AGBL4: variants seen among roughly 807,000 people sequenced by gnomAD.
AGBL4 encodes cytosolic carboxypeptidase 6.
Under a neutral mutation model 66.4 loss-of-function variants are expected in AGBL4, and 58 were observed. That is an observed-to-expected ratio of 0.87 (90% CI 0.71 to 1.09). AGBL4 has a LOEUF of 1.09. Ranked by LOEUF, AGBL4 falls within the 50% of genes least tolerant of loss-of-function variation. AGBL4 has a pLI of 0.00. For missense variants in AGBL4, 579 were observed against 631.0 expected (o/e 0.92, Z 0.88); for synonymous variants, 234 against 222.9 (o/e 1.05, Z -0.44).
At chr1:49,772,153 C>A (rs1315461433) in intron 2 of AGBL4, among the ~76,000 whole-genome samples, 5 of 151,936 alleles carry the variant, frequency 3.3e-5, no homozygotes. Context: ...ACCATAAATT[C>A]TTTTTTGTGG....
At chr1:49,730,149 C>T (rs1446804024) in intron 2 of AGBL4, among the ~76,000 whole-genome samples, 1 of 152,146 alleles carries the variant, frequency 6.6e-6, no homozygotes, top group Non-Finnish European at 1.5e-5. Flanking sequence ...ACACAGTGGG[C>T]TACCCACTTC....
intron 5 of AGBL4, among the ~76,000 whole-genome samples, chr1:49,024,266 T>A (rs1663471175): frequency 6.6e-6 from 1 of 152,148 alleles, no homozygotes; most frequent in African/African-American, 2.4e-5. Flanking sequence ...CTCCACAGAC[T>A]TCAGCCAATC....
intron 4 of AGBL4, among the ~76,000 whole-genome samples, chr1:49,107,694 T>TGTGAGAGA (rs764451269): frequency 0.011 from 1,221 of 113,910 alleles, 27 homozygotes; most frequent in African/African-American, 0.045. Flanking sequence ...TGTGTGTGTG[T>TGTGAGAGA]GAGAGAGAGA....
chr1:48,885,229 A>C (rs1237951083), intron 5 of AGBL4, among the ~76,000 whole-genome samples: 1 of 152,232 alleles, frequency 6.6e-6, no homozygotes, highest in East Asian at 1.9e-4. Flanking sequence ...TGTGGAAATT[A>C]TGTGAAATTC....
chr1:49,988,602 C>G (rs1659695827), intron 1 of AGBL4, among the ~76,000 whole-genome samples: 1 of 152,190 alleles, frequency 6.6e-6, no homozygotes, highest in Non-Finnish European at 1.5e-5. Context: ...CTGGTCTTAA[C>G]AGATTTCAAC....
chr1:49,129,637 A>G (rs936648151), intron 4 of AGBL4, among the ~76,000 whole-genome samples: 2 of 152,114 alleles, frequency 1.3e-5, no homozygotes, highest in African/African-American at 4.8e-5. Context: ...TACAAAGGAC[A>G]TGAACTCATC....
rs1462706111 is a variant in AGBL4 at position 49,874,637 on chromosome 1, C to T, written c.35-23119G>A. ...TGTTCTCATTCCCTAGATGCAAATG[C>T]TCTTAATCATCTTAGTTGCTCAAGT... is the stretch of plus-strand genomic sequence containing the variant. On this transcript the variant is annotated intron_variant, in intron 1 of 13. Coordinates refer to ENST00000371839, the MANE Select transcript of AGBL4 (RefSeq NM_032785.4). 4.6e-5 allele frequency among the ~76,000 whole-genome samples: 7 copies of T among 152,182 alleles called. No individual in the cohort carries two copies. The East Asian group carries it at 9.6e-4, about 21-fold the overall frequency.
chr1:49,602,692 G>C (rs1388099590), intron 3 of AGBL4, among the ~76,000 whole-genome samples: 2 of 151,744 alleles, frequency 1.3e-5, no homozygotes, highest in Admixed American at 6.6e-5. Context: ...GGGCCTGTTC[G>C]TGGGGTTGGG....
At chr1:49,426,869 G>A (rs927445813) in intron 3 of AGBL4, among the ~76,000 whole-genome samples, 2 of 152,270 alleles carry the variant, frequency 1.3e-5, no homozygotes, top group Admixed American at 6.5e-5. Flanking sequence ...TATCTAGCTG[G>A]AGAAGAAGGA....
chr1:49,260,396 T>C (rs1190931934), intron 3 of AGBL4, among the ~76,000 whole-genome samples: 2 of 151,034 alleles, frequency 1.3e-5, no homozygotes, highest in East Asian at 1.9e-4. Context: ...ATCAACAAAA[T>C]TGATAGACCG....
intron 4 of AGBL4, among the ~76,000 whole-genome samples, chr1:49,051,320 T>C (rs1050803567): frequency 6.6e-6 from 1 of 152,156 alleles, no homozygotes; most frequent in Non-Finnish European, 1.5e-5. Flanking sequence ...AATAGCTTGC[T>C]ATCCGTTTGA....
intron 2 of AGBL4, chr1:49,845,650 G>A: frequency 6.2e-7 from 1 of 1,608,096 alleles, no homozygotes; most frequent in Non-Finnish European, 8.5e-7. Context: ...GACCCACACA[G>A]GAGAAAAGCC....
rs1193977915 is a variant in AGBL4 at position 49,743,210 on chromosome 1, AAAAC to A, written c.158-45777_158-45774del. Among the ~76,000 whole-genome samples the A allele has an allele frequency of 1.4e-4, 21 of 152,326 alleles. No individual in the cohort carries two copies. In the South Asian group the frequency reaches 1.7e-3, roughly 12 times the overall value. Reference sequence around the variant, plus strand: ...TTAACTCAAACACATTTACAAGAAAAAAACAAACAACCCCAACAAAAACTGGGCA... The same window carrying A: ...TTAACTCAAACACATTTACAAGAAAAAAACAACCCCAACAAAAACTGGGCA... On this transcript the variant is annotated intron_variant, in intron 2 of 13. Transcript: ENST00000371839.
chr1:48,955,259 CCA>C (rs891501946), intron 5 of AGBL4, among the ~76,000 whole-genome samples: 1 of 152,160 alleles, frequency 6.6e-6, no homozygotes, highest in African/African-American at 2.4e-5. Flanking sequence ...ACATTTTTAA[CCA>C]CAGTTATAAT....
chr1:49,233,439 A>C (rs1023776292), intron 4 of AGBL4, among the ~76,000 whole-genome samples: 2 of 152,234 alleles, frequency 1.3e-5, no homozygotes, highest in African/African-American at 4.8e-5. Flanking sequence ...AGGGCCAAGG[A>C]AAGTGCCCAA....
At chr1:49,937,543 T>C (rs1170538722) in intron 1 of AGBL4, among the ~76,000 whole-genome samples, 3 of 152,098 alleles carry the variant, frequency 2.0e-5, no homozygotes, top group Admixed American at 6.5e-5. Context: ...ATACATTTTT[T>C]TCAGCACCAC....
intron 1 of AGBL4, among the ~76,000 whole-genome samples, chr1:49,899,994 A>T (rs1649610165): frequency 1.3e-5 from 2 of 151,918 alleles, no homozygotes; most frequent in Admixed American, 6.6e-5. Context: ...GTGAGCCGAG[A>T]TCGTACCACT....
At chr1:48,705,544 AG>A (rs1646869576) in intron 6 of AGBL4, among the ~76,000 whole-genome samples, 1 of 152,206 alleles carries the variant, frequency 6.6e-6, no homozygotes, top group African/African-American at 2.4e-5. Context: ...CTTGGGTCTC[AG>A]GTTTGGCAAC....
chr1:48,804,582 G>A (rs910812101), intron 6 of AGBL4, among the ~76,000 whole-genome samples: 2 of 152,152 alleles, frequency 1.3e-5, no homozygotes, highest in African/African-American at 2.4e-5. Context: ...GGCAGCATCT[G>A]ATAAACAAGA....
Sources: allele counts gnomAD v4.1 joint callset (sites outside exome capture counted in the v4.1 genomes callset), GRCh38; gene constraint gnomAD v4.1.1; transcripts MANE v1.5; gene names NCBI Gene and HGNC (gene_info 2026-07-23, HGNC 2026-07-21).